VRK2: variants seen among roughly 807,000 people sequenced by gnomAD.
The protein encoded by VRK2 is VRK serine/threonine kinase 2.
A neutral mutation model predicts 57.6 loss-of-function variants in VRK2; 60 were observed. That is an observed-to-expected ratio of 1.04 (90% CI 0.85 to 1.29). The LOEUF is 1.29. Ranked by LOEUF, VRK2 falls within the 50% of genes most tolerant of loss-of-function variation. The pLI is 0.00. For synonymous variants in VRK2, 231 were observed against 199.2 expected (o/e 1.16, Z -1.35); for missense variants, 705 against 588.1 (o/e 1.20, Z -2.06).
At chr2:58,155,996 T>C (rs1194137606) in intron 12 of VRK2, among the ~76,000 whole-genome samples, 7 of 150,950 alleles carry the variant, frequency 4.6e-5, no homozygotes, top group African/African-American at 1.7e-4. Flanking sequence ...GCTGGGGTAA[T>C]AGGAGGTACT....
intron 1 of VRK2, among the ~76,000 whole-genome samples, chr2:58,005,016 C>G (rs1673200383): frequency 2.0e-5 from 3 of 152,214 alleles, no homozygotes; most frequent in Admixed American, 6.5e-5. Context: ...TCTAATTTCA[C>G]ACTTGAAAGG....
intron 7 of VRK2, among the ~76,000 whole-genome samples, chr2:58,116,477 T>A (rs984119258): frequency 4.3e-4 from 65 of 151,880 alleles, no homozygotes; most frequent in African/African-American, 1.1e-3. Flanking sequence ...GTTGGGGAGT[T>A]TTAAGAGGTT....
intron 1 of VRK2, among the ~76,000 whole-genome samples, chr2:57,946,090 A>G (rs570530509): frequency 3.9e-5 from 6 of 152,264 alleles, no homozygotes; most frequent in African/African-American, 1.2e-4. Flanking sequence ...TTGCATTAGT[A>G]GGAGAGGAAT....
chr2:58,078,305 C>T (rs1027382384), intron 2 of VRK2, among the ~76,000 whole-genome samples: 14 of 152,096 alleles, frequency 9.2e-5, no homozygotes, highest in South Asian at 6.2e-4. Flanking sequence ...CCTCAAGGTT[C>T]ATTTATGTTG....
intron 2 of VRK2, among the ~76,000 whole-genome samples, chr2:58,083,774 T>G (rs1169008745): frequency 6.6e-6 from 1 of 151,824 alleles, no homozygotes; most frequent in African/African-American, 2.4e-5. Context: ...TCTATATGAT[T>G]CATATTGTCT....
At chr2:58,075,450 G>A (rs1280268834) in intron 2 of VRK2, among the ~76,000 whole-genome samples, 2 of 151,986 alleles carry the variant, frequency 1.3e-5, no homozygotes, top group African/African-American at 4.8e-5. Flanking sequence ...TAAGTTCTTC[G>A]AGAGTCTTTC....
chr2:58,082,692 T>G (rs1326927679), intron 2 of VRK2, among the ~76,000 whole-genome samples: 6 of 151,850 alleles, frequency 4.0e-5, no homozygotes, highest in Non-Finnish European at 5.9e-5. Context: ...GACTATTGCA[T>G]GGGTAAAAAT....
intron 1 of VRK2, among the ~76,000 whole-genome samples, chr2:57,971,880 T>C (rs946584343): frequency 1.3e-5 from 2 of 151,862 alleles, no homozygotes; most frequent in Non-Finnish European, 2.9e-5. Context: ...TCAAAGGTAA[T>C]TGGTAAGATT....
At chr2:57,986,172 A>G (rs767310501) in intron 1 of VRK2, among the ~76,000 whole-genome samples, 17 of 152,172 alleles carry the variant, frequency 1.1e-4, no homozygotes, top group Non-Finnish European at 2.1e-4. Flanking sequence ...TCAAGAAAGC[A>G]GAAGAATAGT....
At chr2:57,996,625 T>C (rs572808104) in intron 1 of VRK2, among the ~76,000 whole-genome samples, 1 of 152,328 alleles carries the variant, frequency 6.6e-6, no homozygotes, top group South Asian at 2.1e-4. Context: ...AAGAATAATT[T>C]CAGTCAAAAT....
chr2:58,123,116 T>G lies in VRK2; in HGVS notation c.559T>G (p.Tyr187Asp), dbSNP rs1677774723. 6.2e-7 allele frequency: 1 copy of G among 1,600,246 alleles called. No individual in the cohort carries two copies. The highest frequency in any genetic ancestry group is 8.5e-7 in the Non-Finnish European group (1 of 1,176,070). ...TGTCTTCCAGGTTTATCTTGCAGATTATGGACTTTCCTACAGATATTGTCC... is the reference window on the plus strand; with the variant it reads ...TGTCTTCCAGGTTTATCTTGCAGATGATGGACTTTCCTACAGATATTGTCC... ...KNPDQVYLAD[Y>D]GLSYRYCPNG... The change falls in exon 8 of 13, where the codon TAT (tyrosine) becomes GAT (aspartate). Residue 187 changes from tyrosine to aspartate, a missense_variant. Tyr to Asp is a radical substitution (Grantham distance 160, BLOSUM62 -3). Coordinates refer to ENST00000340157, the MANE Select transcript of VRK2 (RefSeq NM_006296.7).
intron 7 of VRK2, among the ~76,000 whole-genome samples, chr2:58,098,938 TC>T (rs1673552889): frequency 2.0e-5 from 3 of 152,108 alleles, no homozygotes; most frequent in Non-Finnish European, 4.4e-5. Flanking sequence ...GTAGATATTA[TC>T]CTCTTGGACC....
intron 1 of VRK2, among the ~76,000 whole-genome samples, chr2:58,012,105 TAC>T (rs1206436625): frequency 2.0e-5 from 3 of 152,172 alleles, no homozygotes; most frequent in Non-Finnish European, 4.4e-5. Flanking sequence ...CTCTGAAATT[TAC>T]AGTTTTTCAG....
chr2:58,148,625 T>C (rs938634578), intron 12 of VRK2, among the ~76,000 whole-genome samples: 8 of 151,846 alleles, frequency 5.3e-5, no homozygotes, highest in African/African-American at 1.9e-4. Context: ...TATTTTGCTA[T>C]ATATTTCTAT....
Position 58,157,950 on chromosome 2 carries a change from A to ACTATC in VRK2, c.1183-1395_1183-1391dup, listed in dbSNP as rs780146389. On this transcript the variant is annotated intron_variant, in intron 12 of 12. Coordinates refer to ENST00000340157, the MANE Select transcript of VRK2 (RefSeq NM_006296.7). ...CAAATTTTGGCAACTCCTGTTATAG[A>ACTATC]CTATCCTAATCAGACCCCCTCAGTG... Among the ~76,000 whole-genome samples the ACTATC allele has an allele frequency of 3.9e-5, 6 of 152,300 alleles. No homozygotes were observed. The South Asian group carries it at 1.2e-3, about 32-fold the overall frequency.
rs531408961 is a variant in VRK2 at position 57,967,415 on chromosome 2, G to GT, written c.-438-58240dup. ...TAGATAATCTCATGTAGTTTGTGTG[G>GT]TTTTTTTTTTAACACATCAGAAGGT... is the stretch of plus-strand genomic sequence containing the variant. On this transcript the variant is annotated intron_variant, in intron 1 of 15. Transcript: ENST00000417641. 2.3e-3 allele frequency among the ~76,000 whole-genome samples: 346 copies of GT among 148,332 alleles called. 1 individual carries two copies. Among genetic ancestry groups the GT allele is most frequent in the East Asian group, 4.9e-3 (25 of 5,094 alleles).
chr2:57,933,309 C>CTTTTTTTTTTTTTTTTTTTTTTTTTTTT lies in VRK2; in HGVS notation c.-439+25492_-439+25493insTTTTTTTTTTTTTTTTTTTTTTTTTTTT, dbSNP rs71394403. ...TGCTATTTCTTATTTCTTTCTTTTT[C>CTTTTTTTTTTTTTTTTTTTTTTTTTTTT]TTTTTTTTTTTTTTTTTTTTTTGAG... On this transcript the variant is annotated intron_variant, in intron 1 of 15. Transcript: ENST00000417641. 6.2e-4 allele frequency among the ~76,000 whole-genome samples: 39 copies of CTTTTTTTTTTTTTTTTTTTTTTTTTTTT among 63,306 alleles called. 7 individuals are homozygous for CTTTTTTTTTTTTTTTTTTTTTTTTTTTT. The highest frequency in any genetic ancestry group is 2.2e-3 in the African/African-American group (29 of 13,084). 41.5% of individuals were successfully genotyped at this position (63,306 alleles called of 152,430 possible). A position where few individuals can be genotyped will look rare whatever the true frequency, so the allele number is the denominator to read the frequency against.
chr2:58,048,369 A>G (rs1361148401), intron 1 of VRK2, among the ~76,000 whole-genome samples: 1 of 152,142 alleles, frequency 6.6e-6, no homozygotes, highest in African/African-American at 2.4e-5. Flanking sequence ...GTCCATTGCC[A>G]TTGTCTGTGT....
chr2:58,158,913 C>T (rs1684508142), intron 12 of VRK2, among the ~76,000 whole-genome samples: 1 of 152,074 alleles, frequency 6.6e-6, no homozygotes, highest in South Asian at 2.1e-4. Context: ...CCTTTGCCCA[C>T]TGTACAGTGG....
Sources: gnomAD v4.1 joint callset for allele counts (sites outside exome capture counted in the v4.1 genomes callset) on GRCh38, gnomAD v4.1.1 for gene constraint, MANE v1.5 for transcripts, NCBI Gene and HGNC (gene_info 2026-07-23, HGNC 2026-07-21) for gene names.